Variants in MYRIP observed in about 807,000 individuals in gnomAD.
MYRIP encodes the protein myosin VIIA and Rab interacting protein, also known as rab effector MyRIP.
In MYRIP, 49 loss-of-function variants were observed where a neutral mutation model predicts 98.0. The observed-to-expected ratio is 0.50, with a 90% CI of 0.40 to 0.63. The LOEUF (loss-of-function observed/expected upper bound fraction) is 0.63, where lower values mean the gene tolerates loss of function less well. MYRIP is among the 30% of genes least tolerant of loss of function. MYRIP has a pLI of 0.00. For synonymous variants in MYRIP, 404 were observed against 409.5 expected (o/e 0.99, Z 0.16); for missense variants, 1,004 against 1,058.2 (o/e 0.95, Z 0.71).
intron 1 of MYRIP, among the ~76,000 whole-genome samples, chr3:39,840,227 C>A (rs1243214409): frequency 6.6e-6 from 1 of 152,022 alleles, no homozygotes; most frequent in Non-Finnish European, 1.5e-5. Context: ...TTATGTAATA[C>A]CTTTCCTTGT....
chr3:39,913,856 C>T (rs550606925), intron 2 of MYRIP, among the ~76,000 whole-genome samples: 3 of 152,326 alleles, frequency 2.0e-5, no homozygotes, highest in Admixed American at 6.5e-5. Context: ...GATGGGCTTT[C>T]CCATCACTGT....
chr3:40,155,513 G>C (rs1338551109), intron 4 of MYRIP, among the ~76,000 whole-genome samples: 1 of 152,084 alleles, frequency 6.6e-6, no homozygotes, highest in African/African-American at 2.4e-5. Context: ...ACCCAGTAAT[G>C]GGATGGCTGG....
intron 1 of MYRIP, among the ~76,000 whole-genome samples, chr3:39,871,140 T>C (rs1292223121): frequency 6.6e-6 from 1 of 152,170 alleles, no homozygotes; most frequent in African/African-American, 2.4e-5. Flanking sequence ...GTTATTCTAA[T>C]TTGAGAAGCA....
intron 2 of MYRIP, among the ~76,000 whole-genome samples, chr3:40,039,423 G>A (rs941118450): frequency 4.6e-5 from 7 of 152,122 alleles, no homozygotes; most frequent in South Asian, 4.1e-4. Context: ...AGAGTAACAC[G>A]AGGAAGGGAA....
chr3:39,966,279 C>T (rs913920155), intron 2 of MYRIP, among the ~76,000 whole-genome samples: 1 of 152,092 alleles, frequency 6.6e-6, no homozygotes, highest in Admixed American at 6.6e-5. Flanking sequence ...GGGAGGGCAC[C>T]CTGAGTTTTA....
rs776720800 is a variant in MYRIP, at chr3:40,189,934, C to T, written c.1136C>T (p.Ala379Val). Residue 379 changes from alanine to valine, a missense_variant, in exon 10 of 17, where the codon GCC becomes GTC. By Grantham distance (64) the Ala-to-Val change is moderately conservative. Coordinates refer to ENST00000302541, the MANE Select transcript of MYRIP (RefSeq NM_015460.4). ...LAKPKSGTFQ[A>V]LEVASSVASA... Reference sequence around the variant, plus strand: ...AAACCTAAGAGCGGGACGTTTCAGGCCCTGGAGGTGGCCTCCAGTGTGGCA... The same window carrying T: ...AAACCTAAGAGCGGGACGTTTCAGGTCCTGGAGGTGGCCTCCAGTGTGGCA... 6.2e-7 allele frequency: 1 copy of T among 1,614,198 alleles called. No individual in the cohort carries two copies. Among genetic ancestry groups the T allele is most frequent in the Non-Finnish European group, 8.5e-7 (1 of 1,180,036 alleles).
chr3:39,955,966 A>G (rs146695869), intron 2 of MYRIP, among the ~76,000 whole-genome samples: 10,896 of 152,306 alleles, frequency 0.072, 452 homozygotes, highest in East Asian at 0.18. Flanking sequence ...TCAATTCCAC[A>G]AGAAGAGCTA....
At chr3:40,216,732 G>A (rs1363548819) in intron 11 of MYRIP, among the ~76,000 whole-genome samples, 4 of 152,148 alleles carry the variant, frequency 2.6e-5, no homozygotes, top group African/African-American at 7.2e-5. Context: ...CCCTCTCAGT[G>A]TAATAGAAAG....
chr3:39,935,480 C>T (rs1006195613), intron 2 of MYRIP, among the ~76,000 whole-genome samples: 7 of 152,002 alleles, frequency 4.6e-5, no homozygotes, highest in African/African-American at 1.7e-4. Context: ...GAAGTCAGGG[C>T]CATTGTTCTG....
At chr3:40,016,559 G>A (rs1463684963) in intron 2 of MYRIP, among the ~76,000 whole-genome samples, 8 of 152,102 alleles carry the variant, frequency 5.3e-5, no homozygotes, top group African/African-American at 1.4e-4. Context: ...GACTGAAGCC[G>A]ACTGCAGACC....
At chr3:39,863,636 G>A (rs1261306572) in intron 1 of MYRIP, among the ~76,000 whole-genome samples, 3 of 152,282 alleles carry the variant, frequency 2.0e-5, no homozygotes, top group African/African-American at 7.2e-5. Flanking sequence ...TCCCTGAACA[G>A]ATCAATATGA....
In MYRIP at chr3:40,210,109, C is replaced by A. The variant is rs1392565087; in HGVS notation, c.1905+16C>A. On this transcript the variant is annotated intron_variant, in intron 11 of 16. Transcript: ENST00000302541. The stretch of plus-strand genomic sequence containing the variant: ...GCTGAAGAAGGTAAGGGCTGTGAAG[C>A]CACCTGCAGACAGCTCAAGCTTCTG... 1.2e-6 allele frequency: 2 copies of A among 1,611,682 alleles called. No individual in the cohort carries two copies. The highest frequency in any genetic ancestry group is 1.3e-5 in the African/African-American group (1 of 74,772).
At chr3:39,922,340 T>G (rs1944324453) in intron 2 of MYRIP, among the ~76,000 whole-genome samples, 1 of 152,210 alleles carries the variant, frequency 6.6e-6, no homozygotes, top group Non-Finnish European at 1.5e-5. Flanking sequence ...AAAAAATCTG[T>G]GGCCTCCACC....
chr3:40,226,199 T>C lies in MYRIP; in HGVS notation c.1906-7660T>C, dbSNP rs141233533. 2.4e-3 allele frequency among the ~76,000 whole-genome samples: 366 copies of C among 152,362 alleles called. 1 individual carries two copies. Among genetic ancestry groups the C allele is most frequent in the African/African-American group, 8.3e-3 (343 of 41,574 alleles). ...GGCATTTGATAGTCACCGACTTTCATGATGCATGAGAAAAGGAGCTCTGAA... is the reference window on the plus strand; with the variant it reads ...GGCATTTGATAGTCACCGACTTTCACGATGCATGAGAAAAGGAGCTCTGAA... On this transcript the variant is annotated intron_variant, in intron 11 of 16. Coordinates refer to ENST00000302541, the MANE Select transcript of MYRIP (RefSeq NM_015460.4).
intron 2 of MYRIP, among the ~76,000 whole-genome samples, chr3:39,924,867 G>T (rs957382216): frequency 1.3e-5 from 2 of 151,812 alleles, no homozygotes; most frequent in African/African-American, 2.4e-5. Context: ...TAATCCATAG[G>T]TCAAGGAGGA....
chr3:39,966,809 C>T (rs899496437), intron 2 of MYRIP, among the ~76,000 whole-genome samples: 1 of 152,202 alleles, frequency 6.6e-6, no homozygotes, highest in Non-Finnish European at 1.5e-5. Flanking sequence ...TCACTCTCTC[C>T]CTCTAGTCAC....
chr3:39,886,160 G>C (rs1464872116), intron 1 of MYRIP, among the ~76,000 whole-genome samples: 1 of 151,388 alleles, frequency 6.6e-6, no homozygotes, highest in Non-Finnish European at 1.5e-5. Flanking sequence ...TCACCACCAG[G>C]CCTGCCCTAA....
intron 1 of MYRIP, among the ~76,000 whole-genome samples, chr3:39,874,391 G>A (rs1212235755): frequency 6.6e-6 from 1 of 151,766 alleles, no homozygotes; most frequent in African/African-American, 2.4e-5. Flanking sequence ...AATAGGAGTG[G>A]TGAGAGAGGG....
chr3:39,930,574 A>G (rs1355409382), intron 2 of MYRIP, among the ~76,000 whole-genome samples: 1 of 124,378 alleles, frequency 8.0e-6, no homozygotes, highest in Non-Finnish European at 1.7e-5. Flanking sequence ...CTGGTTGCTT[A>G]TGCTTATTTC....
Sources: gnomAD v4.1 joint callset for allele counts (sites outside exome capture counted in the v4.1 genomes callset) on GRCh38, gnomAD v4.1.1 for gene constraint, MANE v1.5 for transcripts, NCBI Gene and HGNC (gene_info 2026-07-23, HGNC 2026-07-21) for gene names.